GRAMD1A: variants seen among roughly 807,000 people sequenced by gnomAD.
GRAMD1A encodes GRAM domain containing 1A.
GRAMD1A carries 50 observed loss-of-function variants against 92.0 expected under a neutral mutation model. That is an observed-to-expected ratio of 0.54 (90% confidence interval 0.43 to 0.69). The LOEUF (loss-of-function observed/expected upper bound fraction) is 0.69, where lower values mean the gene tolerates loss of function less well. Among genes scored for constraint, GRAMD1A ranks in the 30% least tolerant of loss-of-function variants. The pLI is 0.00. For synonymous variants in GRAMD1A, 405 were observed against 403.6 expected, an observed-to-expected ratio of 1.00 and a Z score of -0.04; for missense variants, 819 against 978.9, an observed-to-expected ratio of 0.84 and a Z score of 2.18.
At chr19:35,009,814 G>T (rs2015087381) in intron 3 of GRAMD1A, 74 bp from the exon 4 acceptor site, 3 of 891,724 alleles carry the variant, frequency 3.4e-6, no homozygotes, top group South Asian at 2.6e-5. Context: ...GACTGAGGGG[G>T]TTCCAGGAGC....
rs771607763 is a variant in GRAMD1A at position 35,009,405 on chromosome 19, C to T, written c.220-18C>T. The T allele has an allele frequency of 3.1e-6, 5 of 1,614,018 alleles. No homozygotes were observed. The highest frequency in any genetic ancestry group is 4.2e-6 in the Non-Finnish European group (5 of 1,179,992). Reference sequence around the variant, plus strand: ...GTGATCTAGGGGCTCATCCTGACTCCTCTCCTTTTCTTTGCAGAAGATGCA... The same window carrying T: ...GTGATCTAGGGGCTCATCCTGACTCTTCTCCTTTTCTTTGCAGAAGATGCA... On this transcript the variant is annotated intron_variant, in intron 2 of 19. Transcript: ENST00000317991.
rs529196059 is a variant in GRAMD1A, at chr19:35,026,378, G to C, written c.*237G>C. On this transcript the variant is annotated 3_prime_UTR_variant, in exon 20 of 20. Transcript: ENST00000317991. ...TTTTGCCCGGCTGAGGTTGTGGGGG[G>C]CGCCTCCTGGGGTGCACGATTCCCT... 1.7e-6 allele frequency: 1 copy of C among 579,952 alleles called. No individual in the cohort carries two copies. The highest frequency in any genetic ancestry group is 2.1e-5 in the South Asian group (1 of 47,240). 35.9% of individuals were successfully genotyped at this position (579,952 alleles called of 1,614,324 possible).
In GRAMD1A at chr19:35,021,860, C is replaced by T. The variant is rs777878476; in HGVS notation, c.1749C>T (p.Thr583=). 1.1e-5 allele frequency: 18 copies of T among 1,604,288 alleles called. No homozygotes were observed. Among genetic ancestry groups the T allele is most frequent in the Non-Finnish European group, 1.5e-5 (18 of 1,174,440 alleles). ...CCTGTGCCCGGGCCGGCATTCACAC[C>T]TCGGGTACGTTCCGTTGGGGCCGGG... The part of the protein sequence containing the change: ...PDPCARAGIH[T]SGSLSSRFSE... Residue 583 remains threonine (T), a synonymous_variant, in exon 15 of 20, where the codon ACC becomes ACT. Coordinates refer to ENST00000317991, the MANE Select transcript of GRAMD1A (RefSeq NM_020895.5). The surrounding 1 kb of genome is among the most constrained non-coding windows in gnomAD (Gnocchi z 5.3).
intron 1 of GRAMD1A, chr19:35,006,000 A>G (rs2014786398): frequency 2.2e-6 from 1 of 456,032 alleles, no homozygotes; most frequent in African/African-American, 2.0e-5. Flanking sequence ...GAATACATCA[A>G]GGCCCCTAAA....
chr19:35,022,856 G>A, intron 16 of GRAMD1A, 44 bp from the exon 17 acceptor site: 1 of 1,593,112 alleles, frequency 6.3e-7, no homozygotes, highest in Non-Finnish European at 8.5e-7. Context: ...GGGCAGGCCA[G>A]GCGGCGCTCA....
chr19:35,003,887 CAGGTGAACA>C (rs1334783104), intron 1 of GRAMD1A, among the ~76,000 whole-genome samples: 1 of 152,206 alleles, frequency 6.6e-6, no homozygotes, highest in Non-Finnish European at 1.5e-5. Context: ...TCTTTGTCCT[CAGGTGAACA>C]AGTGGGCTTT....
chr19:35,021,998 G>A lies in GRAMD1A; in HGVS notation c.1801G>A (p.Gly601Arg), dbSNP rs374726600. The change falls in exon 16 of 20, where the codon GGG becomes AGG. Residue 601 changes from glycine to arginine, a missense_variant. Coordinates refer to ENST00000317991, the MANE Select transcript of GRAMD1A (RefSeq NM_020895.5). The surrounding 1 kb of genome is among the most constrained non-coding windows in gnomAD (Gnocchi z 5.3). Reference sequence around the variant, plus strand: ...CGAACCATCTGTGGACCAGGGCCCCGGGGCAGGCATCCCCAGTGCCCTGGT... The same window carrying A: ...CGAACCATCTGTGGACCAGGGCCCCAGGGCAGGCATCCCCAGTGCCCTGGT... ...FSEPSVDQGPGAGIPSALVLI... is the reference protein window; with the variant it reads ...FSEPSVDQGPRAGIPSALVLI... 5.6e-6 allele frequency: 9 copies of A among 1,613,884 alleles called. No individual in the cohort carries two copies. The highest frequency in any genetic ancestry group is 1.7e-5 in the Admixed American group (1 of 59,998).
intron 17 of GRAMD1A, 99 bp downstream of exon 17, chr19:35,023,010 G>C: frequency 1.9e-6 from 2 of 1,049,914 alleles, no homozygotes; most frequent in Non-Finnish European, 2.9e-6. Flanking sequence ...CCCCAGGGAG[G>C]TGGCCTGGCA....
Position 35,021,865 on chromosome 19 carries a change from G to T in GRAMD1A, c.1753+1G>T, listed in dbSNP as rs2016084421. 2 of 1,604,654 alleles carry T rather than the reference G, an allele frequency of 1.2e-6. No homozygotes were observed. The highest frequency in any genetic ancestry group is 1.7e-5 in the Admixed American group (1 of 59,360). ...GCCCGGGCCGGCATTCACACCTCGG[G>T]TACGTTCCGTTGGGGCCGGGTTGGG... On this transcript the variant is annotated splice_donor_variant, in intron 15 of 19. Coordinates refer to ENST00000317991, the MANE Select transcript of GRAMD1A (RefSeq NM_020895.5). LOFTEE classifies it high-confidence loss of function. This position sits in a 1 kb window ranked among gnomAD's most constrained non-coding sequence, Gnocchi z 5.3.
At position 35,026,302 on chromosome 19, in the gene GRAMD1A, A is replaced by G. The variant is rs368391966; in HGVS notation, c.*161A>G. On this transcript the variant is annotated 3_prime_UTR_variant, in exon 20 of 20. Transcript: ENST00000317991. ...CGTGGGGACCACGGAACCGAGATGC[A>G]CTTTAGACCAGGGAGCTGGCCCGGC... 3.3e-6 allele frequency: 2 copies of G among 602,322 alleles called. No homozygotes were observed. Among genetic ancestry groups the G allele is most frequent in the Non-Finnish European group, 6.0e-6 (2 of 334,720 alleles). 37.3% of individuals were successfully genotyped at this position (602,322 alleles called of 1,614,324 possible). A position where few individuals can be genotyped will look rare whatever the true frequency, so the allele number is the denominator to read the frequency against.
At chr19:35,011,444 C>A in intron 6 of GRAMD1A, 30 bp from the exon 7 acceptor site, 2 of 1,546,992 alleles carry the variant, frequency 1.3e-6, no homozygotes, top group South Asian at 1.1e-5. Context: ...CCAACCTGCT[C>A]ACACCTCTCT....
At position 35,009,103 on chromosome 19, in the gene GRAMD1A, C is replaced by A. The variant is rs1285633348; in HGVS notation, c.9-16C>A. ...TTTTTTCCAGTTAACACTTCTCTTC[C>A]TCTTCCTGCCCCCAGCACCACACCC... On this transcript the variant is annotated splice_polypyrimidine_tract_variant and intron_variant, in intron 1 of 19. Transcript: ENST00000317991. 1.9e-6 allele frequency: 3 copies of A among 1,580,988 alleles called. No homozygotes were observed. The Admixed American group carries it at 5.0e-5, about 27-fold the overall frequency.
Position 35,013,434 on chromosome 19 carries a change from C to T in GRAMD1A, c.719+66C>T. The T allele has an allele frequency of 6.6e-7, 1 of 1,517,236 alleles. No individual in the cohort carries two copies. The highest frequency in any genetic ancestry group is 1.1e-5 in the South Asian group (1 of 87,806). The allele number at this position is 1,517,236 out of a possible 1,614,324, so 94.0% of individuals were successfully genotyped here. A position where few individuals can be genotyped will look rare whatever the true frequency, so the allele number is the denominator to read the frequency against. ...AACAGGACGGTCGGCGTGCAGAGTTCCTGGAGTGCTGGGGGGCCTGAGATG... is the reference window on the plus strand; with the variant it reads ...AACAGGACGGTCGGCGTGCAGAGTTTCTGGAGTGCTGGGGGGCCTGAGATG... On this transcript the variant is annotated intron_variant, in intron 8 of 19. Transcript: ENST00000317991. The surrounding 1 kb of genome is among the most constrained non-coding windows in gnomAD (Gnocchi z 4.9).
In GRAMD1A at chr19:35,018,907, G is replaced by A. The variant is rs1000717671; in HGVS notation, c.1214-284G>A. Among the ~76,000 whole-genome samples, 64 of 108,908 alleles carry A rather than the reference G, an allele frequency of 5.9e-4. 1 individual carries two copies. The highest frequency in any genetic ancestry group is 1.1e-4 in the African/African-American group (3 of 28,026). 71.4% of individuals were successfully genotyped at this position (108,908 alleles called of 152,430 possible). A position where few individuals can be genotyped will look rare whatever the true frequency, so the allele number is the denominator to read the frequency against. Reference sequence around the variant, plus strand: ...GTGTGGAGCTCGGTGGGTTCGAGGGGTCCAGGGACCTTCCAGGGGAAGGTG... The same window carrying A: ...GTGTGGAGCTCGGTGGGTTCGAGGGATCCAGGGACCTTCCAGGGGAAGGTG... On this transcript the variant is annotated intron_variant, in intron 11 of 19. Transcript: ENST00000317991.
chr19:35,023,572 C>G, intron 19 of GRAMD1A, 25 bp downstream of exon 19: 2 of 1,554,078 alleles, frequency 1.3e-6, no homozygotes, highest in Non-Finnish European at 1.7e-6. Flanking sequence ...TCGGGCAGGG[C>G]TCGGGGCTGC....
At chr19:35,015,730 T>A in intron 10 of GRAMD1A, 94 bp from the exon 11 acceptor site, 2 of 1,247,664 alleles carry the variant, frequency 1.6e-6, no homozygotes, top group Non-Finnish European at 2.2e-6. Context: ...GGTCCGCCCA[T>A]GCACACTACA....
At chr19:35,017,554 T>C (rs2015731009) in intron 11 of GRAMD1A, among the ~76,000 whole-genome samples, 1 of 152,082 alleles carries the variant, frequency 6.6e-6, no homozygotes, top group Non-Finnish European at 1.5e-5. Flanking sequence ...TGTCAACCCT[T>C]CAGCCTCACC....
At chr19:34,998,844 C>T (rs62122147), upstream of GRAMD1A, among the ~76,000 whole-genome samples, 5,686 of 143,124 alleles carry the variant, frequency 0.04, 179 homozygotes, top group East Asian at 0.14. Flanking sequence ...ATAACCAGTG[C>T]AAAGGTCTTG....
chr19:35,017,238 C>T (rs967771856), intron 11 of GRAMD1A, among the ~76,000 whole-genome samples: 10 of 152,046 alleles, frequency 6.6e-5, no homozygotes, highest in Admixed American at 1.3e-4. Context: ...GCTTCCTATA[C>T]AGCCTGTGGA....
Sources: gnomAD v4.1 joint callset for allele counts (sites outside exome capture counted in the v4.1 genomes callset) on GRCh38, gnomAD v4.1.1 for gene constraint, Gnocchi (gnomAD v3.1) non-coding constraint, MANE v1.5 for transcripts, NCBI Gene and HGNC (gene_info 2026-07-23, HGNC 2026-07-21) for gene names.